Variants in DHRS3 observed in about 807,000 individuals in gnomAD.
DHRS3 encodes the protein dehydrogenase/reductase 3.
Under a neutral mutation model 27.2 loss-of-function variants are expected in DHRS3, and 14 were observed. The observed-to-expected ratio is 0.52, with a 90% confidence interval of 0.34 to 0.81. The LOEUF is 0.81. Among genes scored for constraint, DHRS3 ranks in the 30% least tolerant of loss-of-function variants. The pLI is 0.01. For synonymous variants in DHRS3, 165 were observed against 175.9 expected, an observed-to-expected ratio of 0.94 and a Z score of 0.49; for missense variants, 322 against 406.2, an observed-to-expected ratio of 0.79 and a Z score of 1.78.
At chr1:12,605,558 T>G (rs1007158849) in intron 1 of DHRS3, among the ~76,000 whole-genome samples, 1 of 152,140 alleles carries the variant, frequency 6.6e-6, no homozygotes, top group African/African-American at 2.4e-5. Flanking sequence ...GTACAAAGGG[T>G]CTTCAAAAAG....
rs762363489 is a variant in DHRS3 at position 12,600,199 on chromosome 1, CTGTGTG to C, written c.195+16949_195+16954del. Among the ~76,000 whole-genome samples, 4 of 149,998 alleles carry C rather than the reference CTGTGTG, an allele frequency of 2.7e-5. No individual in the cohort carries two copies. The East Asian group carries it at 5.9e-4, about 22-fold the overall frequency. On this transcript the variant is annotated intron_variant, in intron 1 of 5. Transcript: ENST00000616661. ...CCTTGTGAAAGAAAGAACCGCACAT[CTGTGTG>C]TGTGTGTGTGTACACGTACACACAC...
intron 1 of DHRS3, among the ~76,000 whole-genome samples, chr1:12,590,821 T>C (rs760593322): frequency 1.3e-5 from 2 of 151,512 alleles, no homozygotes; most frequent in Non-Finnish European, 2.9e-5. Flanking sequence ...GCCCTTCTGC[T>C]TCCAGTGCAG....
intron 5 of DHRS3, among the ~76,000 whole-genome samples, chr1:12,572,044 T>C (rs1184017032): frequency 6.6e-6 from 1 of 152,234 alleles, no homozygotes; most frequent in Non-Finnish European, 1.5e-5. Context: ...ACATTTATTT[T>C]GTTTTAGAAT....
chr1:12,587,990 C>T (rs1402889859), intron 1 of DHRS3, among the ~76,000 whole-genome samples: 2 of 152,252 alleles, frequency 1.3e-5, no homozygotes, highest in Admixed American at 6.5e-5. Context: ...TTTCCACTCA[C>T]TCATTACACA....
At chr1:12,604,773 G>A (rs1432341422) in intron 1 of DHRS3, among the ~76,000 whole-genome samples, 8 of 152,228 alleles carry the variant, frequency 5.3e-5, no homozygotes, top group Admixed American at 3.9e-4. Flanking sequence ...GCTGCTGGCC[G>A]GGTGCGGTGG....
chr1:12,569,301 G>C (rs937121714), intron 5 of DHRS3, among the ~76,000 whole-genome samples: 6 of 151,730 alleles, frequency 4.0e-5, no homozygotes, highest in African/African-American at 1.2e-4. Flanking sequence ...CAGAGAGTGA[G>C]TGAGTGGTCA....
rs568451059 is a variant in DHRS3 at position 12,568,437 on chromosome 1, G to A, written c.825-13C>T. ...CTGTGGAAGTATGCTGGAGTAGGAG[G>A]AAGAAAAGAAGATAGCGATGGTTAG... On this transcript the variant is annotated splice_polypyrimidine_tract_variant and intron_variant, in intron 5 of 5. Transcript: ENST00000616661. The A allele has an allele frequency of 7.4e-6, 12 of 1,612,214 alleles. No individual in the cohort carries two copies. The highest frequency in any genetic ancestry group is 2.7e-5 in the African/African-American group (2 of 74,852).
At chr1:12,605,810 T>C (rs958156231) in intron 1 of DHRS3, among the ~76,000 whole-genome samples, 15 of 152,170 alleles carry the variant, frequency 9.9e-5, no homozygotes, top group African/African-American at 3.4e-4. Flanking sequence ...AAATCACTGA[T>C]ACTTTATGAA....
rs1398306746 is a variant in DHRS3, at chr1:12,569,215, C to CTCTCTCT, written c.825-792_825-791insAGAGAGA. Among the ~76,000 whole-genome samples the CTCTCTCT allele has an allele frequency of 1.2e-3, 105 of 88,428 alleles. 1 individual carries two copies. Among genetic ancestry groups the CTCTCTCT allele is most frequent in the African/African-American group, 3.2e-3 (58 of 17,872 alleles). 58.0% of individuals were successfully genotyped at this position (88,428 alleles called of 152,430 possible). ...CTGGGCGACAAGAGTAAAACTCTGT[C>CTCTCTCT]CCCTCTCTCTCTCTCTCACACACAC... On this transcript the variant is annotated intron_variant, in intron 5 of 5. Coordinates refer to ENST00000616661, the MANE Select transcript of DHRS3 (RefSeq NM_004753.7).
chr1:12,608,954 C>A lies in DHRS3; in HGVS notation c.195+8200G>T, dbSNP rs766587521. Among the ~76,000 whole-genome samples, 2 of 152,222 alleles carry A rather than the reference C, an allele frequency of 1.3e-5. No homozygotes were observed. The highest frequency in any genetic ancestry group is 2.9e-5 in the Non-Finnish European group (2 of 68,042). On this transcript the variant is annotated intron_variant, in intron 1 of 5. Transcript: ENST00000616661. This position sits in a 1 kb window ranked among gnomAD's most constrained non-coding sequence, Gnocchi z 4.1. ...TGTCACCCAGCCTGCTCCCTGGATA[C>A]CTTCCAGTTGGTCAAGGGCCCTGTC...
At chr1:12,597,778 G>A (rs778719106) in intron 1 of DHRS3, among the ~76,000 whole-genome samples, 1 of 152,196 alleles carries the variant, frequency 6.6e-6, no homozygotes, top group Non-Finnish European at 1.5e-5. Flanking sequence ...TATGGCTGTC[G>A]TTAGGACCAG....
intron 1 of DHRS3, among the ~76,000 whole-genome samples, chr1:12,613,051 ACT>A (rs1646920663): frequency 6.6e-6 from 1 of 150,672 alleles, no homozygotes; most frequent in South Asian, 2.1e-4. Context: ...TAAGAGCAAA[ACT>A]CTGTTTCAAA....
At chr1:12,575,040 C>T (rs1315528687) in intron 4 of DHRS3, among the ~76,000 whole-genome samples, 1 of 151,976 alleles carries the variant, frequency 6.6e-6, no homozygotes, top group African/African-American at 2.4e-5. Context: ...CGAAGAGGCT[C>T]AATTGGCTGG....
intron 1 of DHRS3, among the ~76,000 whole-genome samples, chr1:12,615,504 A>G (rs1320010364): frequency 6.6e-6 from 1 of 152,120 alleles, no homozygotes; most frequent in African/African-American, 2.4e-5. Context: ...ACTTCTTTCA[A>G]TTTAGGATTG....
At chr1:12,590,364 G>T (rs562176586) in intron 1 of DHRS3, among the ~76,000 whole-genome samples, 3 of 152,198 alleles carry the variant, frequency 2.0e-5, no homozygotes, top group Non-Finnish European at 4.4e-5. Flanking sequence ...AGACTGGAGT[G>T]CAGTGGCGTG....
At chr1:12,585,334 T>C (rs1553139887) in intron 1 of DHRS3, among the ~76,000 whole-genome samples, 1 of 151,672 alleles carries the variant, frequency 6.6e-6, no homozygotes, top group Non-Finnish European at 1.5e-5. Flanking sequence ...TGTCTCTGTG[T>C]GTCTGTGTCT....
rs906650216 is a variant in DHRS3 at position 12,591,396 on chromosome 1, T to C, written c.196-10730A>G. Among the ~76,000 whole-genome samples, 3 of 152,204 alleles carry C rather than the reference T, an allele frequency of 2.0e-5. No individual in the cohort carries two copies. The highest frequency in any genetic ancestry group is 7.2e-5 in the African/African-American group (3 of 41,464). Reference sequence around the variant, plus strand: ...GGCCCCTGTTTTGGCCTGCCGAGAATGTTTTGGCTACCGCTGGCTCAGCTG... The same window carrying C: ...GGCCCCTGTTTTGGCCTGCCGAGAACGTTTTGGCTACCGCTGGCTCAGCTG... On this transcript the variant is annotated intron_variant, in intron 1 of 5. Transcript: ENST00000616661. The surrounding 1 kb of genome is among the most constrained non-coding windows in gnomAD (Gnocchi z 4.1).
chr1:12,579,309 G>A lies in DHRS3; in HGVS notation c.443C>T (p.Thr148Ile). 6.2e-7 allele frequency: 1 copy of A among 1,614,144 alleles called. No homozygotes were observed. Among genetic ancestry groups the A allele is most frequent in the South Asian group, 1.1e-5 (1 of 91,078 alleles). Residue 148 changes from threonine to isoleucine, a missense_variant, in exon 3 of 6, where the codon ACC (threonine) becomes ATC (isoleucine). Transcript: ENST00000616661. ...DALLKSQHIN[T>I]LGQFWTTKAF... is the part of the protein sequence containing the mutation. The stretch of plus-strand genomic sequence containing the variant: ...AGCCCTTACCCAGAACTGGCCCAGG[G>A]TGTTGATGTGTTGGGACTTGAGGAG...
At chr1:12,616,865 G>A (rs1646948362) in intron 1 of DHRS3, 1 of 1,100,806 alleles carries the variant, frequency 9.1e-7, no homozygotes, top group Non-Finnish European at 1.2e-6. Context: ...TTGGGAGGCA[G>A]GAATGTGGGA....
Sources: gnomAD v4.1 joint callset for allele counts (sites outside exome capture counted in the v4.1 genomes callset) on GRCh38, gnomAD v4.1.1 for gene constraint, Gnocchi (gnomAD v3.1) non-coding constraint, MANE v1.5 for transcripts, NCBI Gene and HGNC (gene_info 2026-07-23, HGNC 2026-07-21) for gene names.